FRYL: variants seen among roughly 807,000 people sequenced by gnomAD.
FRYL encodes FRY like transcription coactivator.
In FRYL, 150 loss-of-function variants were observed where a neutral mutation model predicts 351.2. That is an observed-to-expected ratio of 0.43 (90% CI 0.37 to 0.49). The LOEUF is 0.49. Ranked by LOEUF, FRYL falls within the 20% of genes least tolerant of loss-of-function variation. FRYL has a pLI of 0.00. For missense variants in FRYL, 3,036 were observed against 3,619.3 expected (o/e 0.84, Z 4.13); for synonymous variants, 1,153 against 1,257.1 (o/e 0.92, Z 1.75).
intron 3 of FRYL, among the ~76,000 whole-genome samples, chr4:48,666,982 TTAAA>T (rs1761825854): frequency 6.6e-6 from 1 of 152,206 alleles, no homozygotes; most frequent in African/African-American, 2.4e-5. Flanking sequence ...GTTTAACAGT[TTAAA>T]TAAGTCAGTG....
chr4:48,743,546 T>C (rs1186373691), intron 1 of FRYL, among the ~76,000 whole-genome samples: 1 of 152,196 alleles, frequency 6.6e-6, no homozygotes, highest in Non-Finnish European at 1.5e-5. Flanking sequence ...TGTTCCCTAA[T>C]TCAATGCTCT....
intron 13 of FRYL, among the ~76,000 whole-genome samples, chr4:48,597,732 T>C (rs1560686202): frequency 6.6e-6 from 1 of 152,212 alleles, no homozygotes; most frequent in African/African-American, 2.4e-5. Flanking sequence ...CTCATATGAA[T>C]GATTAAATAT....
At chr4:48,765,478 G>A (rs6828500) in intron 1 of FRYL, among the ~76,000 whole-genome samples, 149,381 of 152,302 alleles carry the variant, frequency 0.98, 73,318 homozygotes, top group East Asian at 1. Context: ...TCCTTATATT[G>A]CACATACACA....
intron 18 of FRYL, among the ~76,000 whole-genome samples, chr4:48,586,950 A>G (rs888513245): frequency 2.0e-5 from 3 of 152,148 alleles, no homozygotes; most frequent in African/African-American, 7.2e-5. Context: ...AAAGGTTTTC[A>G]GTAACTAGAC....
In FRYL at chr4:48,497,670, C is replaced by CT. The variant is rs1447760413; in HGVS notation, c.*1751_*1752insA. 1 of 152,532 alleles carries CT rather than the reference C, an allele frequency of 6.6e-6. No homozygotes were observed. Among genetic ancestry groups the CT allele is most frequent in the African/African-American group, 2.4e-5 (1 of 41,422 alleles). The allele number at this position is 152,532 out of a possible 1,614,324, so 9.4% of individuals were successfully genotyped here. On this transcript the variant is annotated 3_prime_UTR_variant, in exon 64 of 64. Coordinates refer to ENST00000358350, the MANE Select transcript of FRYL (RefSeq NM_015030.2). ...TAAAGTGTGATGTATCTCTGGACACCATCCCTCTCTGCCTGCCCCACACCC... is the reference window on the plus strand; with the variant it reads ...TAAAGTGTGATGTATCTCTGGACACCTATCCCTCTCTGCCTGCCCCACACCC...
intron 1 of FRYL, among the ~76,000 whole-genome samples, chr4:48,713,185 A>C (rs1768306883): frequency 1.3e-5 from 2 of 152,232 alleles, no homozygotes; most frequent in East Asian, 1.9e-4. Flanking sequence ...CAAGCAAAAT[A>C]ACCAGCTAAC....
intron 1 of FRYL, among the ~76,000 whole-genome samples, chr4:48,724,289 A>C (rs1200042483): frequency 6.6e-6 from 1 of 152,024 alleles, no homozygotes; most frequent in Non-Finnish European, 1.5e-5. Context: ...TTCCAGCCAC[A>C]CTAGTTTTCC....
chr4:48,665,298 C>T (rs952946252), intron 3 of FRYL, among the ~76,000 whole-genome samples: 1 of 152,166 alleles, frequency 6.6e-6, no homozygotes, highest in Non-Finnish European at 1.5e-5. Flanking sequence ...AGATCACACA[C>T]CATACCAATT....
chr4:48,547,608 C>G lies in FRYL; in HGVS notation c.5050G>C (p.Ala1684Pro). 1 of 1,571,018 alleles carries G rather than the reference C, an allele frequency of 6.4e-7. No homozygotes were observed. Among genetic ancestry groups the G allele is most frequent in the African/African-American group, 1.3e-5 (1 of 74,322 alleles). ...CCTGTGAAATTATAATCTAAGTGTG[C>G]AACTTGTTTGACTGTAAGCACCCTG... ...EPRVLTVKQV[A>P]HLDYNFTAGI... Residue 1684 changes from alanine to proline, a missense_variant, in exon 41 of 64, where the codon GCA becomes CCA. Physicochemically the swap from Ala to Pro is conservative, Grantham distance 27. Coordinates refer to ENST00000358350, the MANE Select transcript of FRYL (RefSeq NM_015030.2).
intron 4 of FRYL, 46 bp downstream of exon 4, chr4:48,634,245 C>T (rs755544727): frequency 7.0e-7 from 1 of 1,420,644 alleles, no homozygotes; most frequent in Non-Finnish European, 9.9e-7. Flanking sequence ...GTGGTTAATA[C>T]AAAAGTCAAG....
At chr4:48,644,303 T>C (rs1426039878) in intron 3 of FRYL, among the ~76,000 whole-genome samples, 2 of 152,026 alleles carry the variant, frequency 1.3e-5, no homozygotes, top group East Asian at 3.9e-4. Context: ...TATTACAGTA[T>C]ACATGGAAGA....
chr4:48,553,065 ATTTG>A (rs1733250404), intron 36 of FRYL, 146 bp downstream of exon 36: 4 of 562,124 alleles, frequency 7.1e-6, no homozygotes, highest in Non-Finnish European at 1.2e-5. Context: ...ACTGAGGAAG[ATTTG>A]TTTTTTTCTT....
In FRYL at chr4:48,710,547, G is replaced by A. The variant is rs1040250728; in HGVS notation, c.-232C>T. ...TTAGAAATGGTTGTTGAGGCACAGA[G>A]TTTGTAGAAAAGACACCAAGTTTGG... is the stretch of plus-strand genomic sequence containing the variant. On this transcript the variant is annotated 5_prime_UTR_variant, in exon 2 of 64. Transcript: ENST00000358350. 1.3e-5 allele frequency: 5 copies of A among 398,492 alleles called. No homozygotes were observed. Among genetic ancestry groups the A allele is most frequent in the Admixed American group, 4.4e-5 (1 of 22,716 alleles). 24.7% of individuals were successfully genotyped at this position (398,492 alleles called of 1,614,324 possible). A position where few individuals can be genotyped will look rare whatever the true frequency, so the allele number is the denominator to read the frequency against.
chr4:48,600,093 C>A (rs1345873774), intron 13 of FRYL, among the ~76,000 whole-genome samples: 1 of 150,328 alleles, frequency 6.7e-6, no homozygotes, highest in Non-Finnish European at 1.5e-5. Context: ...GGTGACAGAG[C>A]GAGACTTCAT....
At chr4:48,615,582 T>C (rs144070816) in intron 7 of FRYL, among the ~76,000 whole-genome samples, 124 of 152,344 alleles carry the variant, frequency 8.1e-4, no homozygotes, top group African/African-American at 2.9e-3. Flanking sequence ...GGTACAAACA[T>C]ACTATTTTAG....
intron 15 of FRYL, among the ~76,000 whole-genome samples, chr4:48,595,177 G>A (rs562578379): frequency 1.8e-4 from 28 of 152,232 alleles, no homozygotes; most frequent in African/African-American, 6.5e-4. Flanking sequence ...CCTCTTTGTC[G>A]TTCAGACTAG....
At chr4:48,603,831 G>A (rs1305106450) in intron 11 of FRYL, among the ~76,000 whole-genome samples, 1 of 152,134 alleles carries the variant, frequency 6.6e-6, no homozygotes, top group African/African-American at 2.4e-5. Flanking sequence ...TTCCTAGAAC[G>A]CATCAAAGAA....
intron 1 of FRYL, among the ~76,000 whole-genome samples, chr4:48,773,491 A>T (rs1775722446): frequency 6.6e-6 from 1 of 152,156 alleles, no homozygotes; most frequent in Non-Finnish European, 1.5e-5. Flanking sequence ...CTCGAAACCT[A>T]AATTGTTTAC....
chr4:48,776,591 C>T (rs1776048813), intron 1 of FRYL, among the ~76,000 whole-genome samples: 1 of 152,136 alleles, frequency 6.6e-6, no homozygotes. Flanking sequence ...CAGACCATGG[C>T]TTGTACTGTA....
Sources: allele counts gnomAD v4.1 joint callset (sites outside exome capture counted in the v4.1 genomes callset), GRCh38; gene constraint gnomAD v4.1.1; transcripts MANE v1.5; gene names NCBI Gene and HGNC (gene_info 2026-07-23, HGNC 2026-07-21).